The following SH3RF3 variants were observed in gnomAD, a reference collection of about 807,000 sequenced individuals.
The protein encoded by SH3RF3 is E3 ubiquitin-protein ligase SH3RF3.
A neutral mutation model predicts 66.3 loss-of-function variants in SH3RF3; 29 were observed. The ratio of observed to expected loss-of-function variants is 0.44; its 90% confidence interval spans 0.33 to 0.60. The LOEUF (loss-of-function observed/expected upper bound fraction) is 0.60, where lower values mean the gene tolerates loss of function less well. Among genes scored for constraint, SH3RF3 ranks in the 20% least tolerant of loss-of-function variants. The pLI, the probability that SH3RF3 is intolerant of heterozygous loss-of-function variation, is 0.04. For missense variants in SH3RF3, 1,194 were observed against 1,190.9 expected (o/e 1.00, Z -0.04); for synonymous variants, 583 against 532.0 (o/e 1.10, Z -1.32).
rs563132155 is a variant in SH3RF3, at chr2:109,229,549, G to A, written c.573+99436G>A. Among the ~76,000 whole-genome samples, 148 of 152,278 alleles carry A rather than the reference G, an allele frequency of 9.7e-4. 1 individual carries two copies. In the Middle Eastern group the frequency reaches 0.01, roughly 10 times the overall value. On this transcript the variant is annotated intron_variant, in intron 1 of 9. Transcript: ENST00000309415. ...AGAGCCCGATACGGGAGGGATTTGG[G>A]ATGTGGGCTCTGAATTGGTGGGTTT...
chr2:109,305,923 C>T (rs1261906185), intron 1 of SH3RF3, among the ~76,000 whole-genome samples: 1 of 150,124 alleles, frequency 6.7e-6, no homozygotes, highest in Non-Finnish European at 1.5e-5. Flanking sequence ...TGGGCTGCTC[C>T]TCCAGCTGCT....
chr2:109,347,756 A>C lies in SH3RF3; in HGVS notation c.656A>C (p.Asp219Ala). Residue 219 changes from aspartate (D) to alanine (A), a missense_variant, in exon 2 of 10, where the codon GAC becomes GCC. Physicochemically the swap from Asp to Ala is moderately radical, Grantham distance 126 (BLOSUM62 -2). Transcript: ENST00000309415. ...EPGDLKFNKG[D>A]IIVLRRKVDE... ...GGTGACCTCAAGTTCAACAAGGGGG[A>C]CATCATCGTCCTGCGGCGCAAGGTG... The C allele has an allele frequency of 9.3e-6, 15 of 1,613,940 alleles. No individual in the cohort carries two copies. Among genetic ancestry groups the C allele is most frequent in the Non-Finnish European group, 1.3e-5 (15 of 1,179,872 alleles).
At chr2:109,195,502 T>G (rs769576654) in intron 1 of SH3RF3, among the ~76,000 whole-genome samples, 1 of 152,228 alleles carries the variant, frequency 6.6e-6, no homozygotes, top group Non-Finnish European at 1.5e-5. Flanking sequence ...GTAGGCTTTA[T>G]TTTGGAAACC....
chr2:109,258,660 C>T (rs978641504), intron 1 of SH3RF3, among the ~76,000 whole-genome samples: 6 of 152,252 alleles, frequency 3.9e-5, no homozygotes, highest in Non-Finnish European at 5.9e-5. Flanking sequence ...TCACCGGTAC[C>T]TCTAGGAGCC....
intron 1 of SH3RF3, among the ~76,000 whole-genome samples, chr2:109,145,217 G>A (rs541714221): frequency 1.3e-5 from 2 of 152,264 alleles, no homozygotes; most frequent in East Asian, 3.9e-4. Context: ...GTCCTGGCTG[G>A]GTCCTTCCTG....
intron 1 of SH3RF3, among the ~76,000 whole-genome samples, chr2:109,324,104 T>A (rs1171453025): frequency 1.3e-5 from 2 of 152,228 alleles, no homozygotes; most frequent in Non-Finnish European, 2.9e-5. Flanking sequence ...AGCATAATAT[T>A]TTCAAGGTTC....
chr2:109,352,216 T>C (rs1484503380), intron 2 of SH3RF3, among the ~76,000 whole-genome samples: 8 of 152,232 alleles, frequency 5.3e-5, no homozygotes, highest in Non-Finnish European at 8.8e-5. Context: ...CTCTCCTTTC[T>C]TCCTGTCTCA....
intron 1 of SH3RF3, among the ~76,000 whole-genome samples, chr2:109,150,390 A>C (rs2104867725): frequency 6.6e-6 from 1 of 152,306 alleles, no homozygotes; most frequent in African/African-American, 2.4e-5. Flanking sequence ...CTATAACCTG[A>C]TGATAGTCGA....
intron 1 of SH3RF3, among the ~76,000 whole-genome samples, chr2:109,188,382 A>T (rs918510401): frequency 2.4e-4 from 36 of 152,320 alleles, no homozygotes; most frequent in African/African-American, 8.7e-4. Flanking sequence ...CCAGGGTTGC[A>T]TGGGAGGCTG....
chr2:109,258,189 T>TA (rs1680266273), intron 1 of SH3RF3, among the ~76,000 whole-genome samples: 1 of 152,182 alleles, frequency 6.6e-6, no homozygotes, highest in South Asian at 2.1e-4. Context: ...AGAGTAAACT[T>TA]ACCTTAATAA....
chr2:109,314,431 T>C (rs960471772), intron 1 of SH3RF3, among the ~76,000 whole-genome samples: 7 of 152,112 alleles, frequency 4.6e-5, no homozygotes, highest in African/African-American at 1.7e-4. Flanking sequence ...GGAGCAGAGA[T>C]AGAGGGTAGG....
intron 4 of SH3RF3, among the ~76,000 whole-genome samples, chr2:109,406,572 T>C (rs1329724754): frequency 2.6e-5 from 4 of 152,280 alleles, no homozygotes; most frequent in Non-Finnish European, 5.9e-5. Context: ...GTCTAGCCAC[T>C]ACTTGTTTTG....
At chr2:109,414,156 C>G (rs1676665295) in intron 4 of SH3RF3, among the ~76,000 whole-genome samples, 1 of 152,248 alleles carries the variant, frequency 6.6e-6, no homozygotes, top group African/African-American at 2.4e-5. Context: ...GGGGCCAGGG[C>G]ATGCTCCCTC....
chr2:109,208,541 C>T (rs1160568676), intron 1 of SH3RF3, among the ~76,000 whole-genome samples: 1 of 152,192 alleles, frequency 6.6e-6, no homozygotes, highest in Non-Finnish European at 1.5e-5. Context: ...GAAGTGGAGC[C>T]ACCAGCACCA....
At chr2:109,218,093 T>C (rs757050792) in intron 1 of SH3RF3, among the ~76,000 whole-genome samples, 5 of 151,838 alleles carry the variant, frequency 3.3e-5, no homozygotes, top group Non-Finnish European at 5.9e-5. Context: ...GAGTAGTCAA[T>C]AGAGGTTTTT....
intron 3 of SH3RF3, among the ~76,000 whole-genome samples, chr2:109,398,059 C>A (rs1272355162): frequency 6.6e-6 from 1 of 152,212 alleles, no homozygotes; most frequent in Non-Finnish European, 1.5e-5. Flanking sequence ...AAAAGAGCTT[C>A]TGTGGTTTAT....
chr2:109,402,995 T>A (rs1676354888), intron 4 of SH3RF3, among the ~76,000 whole-genome samples: 1 of 152,052 alleles, frequency 6.6e-6, no homozygotes, highest in African/African-American at 2.4e-5. Context: ...TGATACACAG[T>A]CAGGGTGGGT....
At chr2:109,392,508 GCTT>G (rs1018986194) in intron 3 of SH3RF3, among the ~76,000 whole-genome samples, 2 of 151,930 alleles carry the variant, frequency 1.3e-5, no homozygotes, top group East Asian at 1.9e-4. Context: ...CAGGCCCCTT[GCTT>G]CTTCTTTTTT....
intron 6 of SH3RF3, among the ~76,000 whole-genome samples, chr2:109,436,418 TGTC>T (rs1202205525): frequency 6.6e-6 from 1 of 152,076 alleles, no homozygotes; most frequent in Non-Finnish European, 1.5e-5. Context: ...CTCAGAAGGA[TGTC>T]GTGCTGTGTG....
Sources: allele counts gnomAD v4.1 joint callset (sites outside exome capture counted in the v4.1 genomes callset), GRCh38; gene constraint gnomAD v4.1.1; transcripts MANE v1.5; gene names NCBI Gene and HGNC (gene_info 2026-07-23, HGNC 2026-07-21).